Variants in COX15 observed in about 807,000 individuals in gnomAD.
COX15 encodes the protein heme A synthase COX15.
In COX15, 51 loss-of-function variants were observed where a neutral mutation model predicts 51.9. That is an observed-to-expected ratio of 0.98 (90% CI 0.78 to 1.24). The LOEUF (loss-of-function observed/expected upper bound fraction) is 1.24. Ranked by LOEUF, COX15 falls within the 50% of genes most tolerant of loss-of-function variation. The pLI, the probability that COX15 is intolerant of heterozygous loss-of-function variation, is 0.00. For synonymous variants in COX15, 188 were observed against 190.5 expected (o/e 0.99, Z 0.11); for missense variants, 420 against 501.1 (o/e 0.84, Z 1.55).
At chr10:99,731,889 A>G (rs2037162204) in intron 1 of COX15, 71 bp downstream of exon 1, 1 of 1,544,866 alleles carries the variant, frequency 6.5e-7, no homozygotes, top group Non-Finnish European at 8.8e-7. Flanking sequence ...GTGGGGCTCT[A>G]CATTATCTTT....
intron 4 of COX15, among the ~76,000 whole-genome samples, chr10:99,725,146 ATC>A (rs1382782315): frequency 6.6e-6 from 1 of 152,220 alleles, no homozygotes; most frequent in African/African-American, 2.4e-5. Flanking sequence ...GTTAGTTCCA[ATC>A]ATATGAAATA....
chr10:99,697,559 G>A, the COX15 span: 2 of 155,256 alleles, frequency 1.3e-5, no homozygotes, highest in South Asian at 4.0e-4. Flanking sequence ...GGCATATCTT[G>A]TGTAGCTGCC....
chr10:99,708,201 G>T (rs1314447142), downstream of COX15, among the ~76,000 whole-genome samples: 2 of 151,434 alleles, frequency 1.3e-5, no homozygotes, highest in East Asian at 3.9e-4. Context: ...TTAACTTCAA[G>T]ATCATATCCA....
chr10:99,703,925 T>G, the COX15 span, among the ~76,000 whole-genome samples: 11 of 152,250 alleles, frequency 7.2e-5, no homozygotes, highest in African/African-American at 2.4e-4. Context: ...GGGGTCTTGT[T>G]ATGTTGACCA....
At chr10:99,703,412 G>A in the COX15 span, among the ~76,000 whole-genome samples, 1 of 152,356 alleles carries the variant, frequency 6.6e-6, no homozygotes, top group East Asian at 1.9e-4. Flanking sequence ...TTAATGGGCT[G>A]GTTACTGTCA....
chr10:99,698,761 G>A, the COX15 span: 2 of 1,614,272 alleles, frequency 1.2e-6, no homozygotes, highest in East Asian at 4.5e-5. Flanking sequence ...TTCAACAACA[G>A]CGAGTTCTAC....
chr10:99,706,062 C>A (rs1055153082), downstream of COX15: 1 of 152,098 alleles, frequency 6.6e-6, no homozygotes, highest in African/African-American at 2.4e-5. Flanking sequence ...CTTTTCTTTT[C>A]GTCACCTTTG....
chr10:99,704,958 G>A, the COX15 span: 1 of 467,642 alleles, frequency 2.1e-6, no homozygotes, highest in South Asian at 2.4e-5. Flanking sequence ...GACTCCTTCT[G>A]AGAGGTCTGG....
chr10:99,730,156 C>T (rs1334405958), intron 1 of COX15, among the ~76,000 whole-genome samples: 1 of 152,222 alleles, frequency 6.6e-6, no homozygotes, highest in Non-Finnish European at 1.5e-5. Context: ...CAATAGGTCA[C>T]TCCCACAGCA....
downstream of COX15, among the ~76,000 whole-genome samples, chr10:99,706,660 C>T (rs539266735): frequency 2.2e-4 from 34 of 152,196 alleles, no homozygotes; most frequent in African/African-American, 8.2e-4. Flanking sequence ...AATCTCTTAC[C>T]TTTCATTAGG....
In COX15 at chr10:99,711,851, A is replaced by G; in HGVS notation, c.*2736T>C. On this transcript the variant is annotated 3_prime_UTR_variant, in exon 9 of 9. Coordinates refer to ENST00000016171, the MANE Select transcript of COX15 (RefSeq NM_078470.6). The stretch of plus-strand genomic sequence containing the variant: ...ATAAGGAAATACTGACAATTTTTAG[A>G]AAGAAAAGAGGTTTATTTGGCTCAC... 1.0e-6 allele frequency: 1 copy of G among 982,198 alleles called. No individual in the cohort carries two copies. The allele number at this position is 982,198 out of a possible 1,614,324, so 60.8% of individuals were successfully genotyped here.
chr10:99,720,800 A>G (rs1184257410), intron 6 of COX15, among the ~76,000 whole-genome samples, 187 bp downstream of exon 6: 8 of 151,642 alleles, frequency 5.3e-5, no homozygotes, highest in Non-Finnish European at 1.2e-4. Context: ...ATTTTTGTTC[A>G]ATTGACAGTA....
the COX15 span, chr10:99,704,625 T>A: frequency 6.2e-7 from 1 of 1,614,122 alleles, no homozygotes; most frequent in South Asian, 1.1e-5. Context: ...TCAGCTCCAT[T>A]GGACTTGCTG....
chr10:99,702,448 T>C, the COX15 span: 2 of 1,405,424 alleles, frequency 1.4e-6, no homozygotes, highest in African/African-American at 1.4e-5. Flanking sequence ...GAGTGGCTTA[T>C]TGCAAAGGAA....
rs562028646 is a variant in COX15, at chr10:99,710,918, G to A, written c.*3669C>T. ...CCTTCATGTTTTAAAAACAATGGAC[G>A]TAAGTGCAGAGAGACCTTTGAAAAT... On this transcript the variant is annotated 3_prime_UTR_variant, in exon 9 of 9. Coordinates refer to ENST00000016171, the MANE Select transcript of COX15 (RefSeq NM_078470.6). 85 of 985,274 alleles carry A rather than the reference G, an allele frequency of 8.6e-5. No individual in the cohort carries two copies. The highest frequency in any genetic ancestry group is 9.5e-5 in the Non-Finnish European group (79 of 829,782). The allele number at this position is 985,274 out of a possible 1,614,324, so 61.0% of individuals were successfully genotyped here. A position where few individuals can be genotyped will look rare whatever the true frequency, so the allele number is the denominator to read the frequency against.
At chr10:99,729,765 G>A in intron 1 of COX15, 31 bp from the exon 2 acceptor site, 1 of 1,611,014 alleles carries the variant, frequency 6.2e-7, no homozygotes, top group Non-Finnish European at 8.5e-7. Flanking sequence ...ATTACAACTG[G>A]AGAAACAGGG....
the COX15 span, chr10:99,700,757 C>G: frequency 1.7e-6 from 1 of 590,882 alleles, no homozygotes; most frequent in Non-Finnish European, 3.0e-6. Flanking sequence ...CTAAGAGGCT[C>G]AGAAGCCACA....
At chr10:99,724,151 A>G (rs1425322943) in intron 4 of COX15, 28 bp from the exon 5 acceptor site, 2 of 1,613,522 alleles carry the variant, frequency 1.2e-6, no homozygotes, top group Non-Finnish European at 1.7e-6. Context: ...TGAAGCAAAC[A>G]AAACAAGGTT....
the COX15 span, among the ~76,000 whole-genome samples, chr10:99,695,365 T>C: frequency 6.6e-6 from 1 of 151,878 alleles, no homozygotes; most frequent in African/African-American, 2.4e-5. Flanking sequence ...CCACTAAAAA[T>C]ACAAAAATTA....
Sources: allele counts gnomAD v4.1 joint callset (sites outside exome capture counted in the v4.1 genomes callset), GRCh38; gene constraint gnomAD v4.1.1; transcripts MANE v1.5; gene names NCBI Gene and HGNC (gene_info 2026-07-23, HGNC 2026-07-21).